Variants in NKD1 observed in about 807,000 individuals in gnomAD.
The protein encoded by NKD1 is NKD inhibitor of Wnt signaling pathway 1, also known as protein naked cuticle homolog 1.
A neutral mutation model predicts 56.0 loss-of-function variants in NKD1; 21 were observed. The observed-to-expected ratio is 0.38, with a 90% CI of 0.27 to 0.54. NKD1 has a LOEUF of 0.54. Among genes scored for constraint, NKD1 ranks in the 20% least tolerant of loss-of-function variants. The pLI is 0.82. For synonymous variants in NKD1, 263 were observed against 265.7 expected (o/e 0.99, Z 0.10); for missense variants, 578 against 642.7 (o/e 0.90, Z 1.09).
At position 50,635,788 on chromosome 16, in the gene NKD1, A is replaced by G. The variant is rs1488976047; in HGVS notation, c.*2007A>G. ...CCCTTCGCCACTGGTGCAGAGCTTA[A>G]TCACGGCCATGGGCTGCCCTTGTTT... is the stretch of plus-strand genomic sequence containing the variant. On this transcript the variant is annotated 3_prime_UTR_variant, in exon 10 of 10. Transcript: ENST00000268459. The surrounding 1 kb of genome is among the most constrained non-coding windows in gnomAD (Gnocchi z 4.1). 6.6e-6 allele frequency: 1 copy of G among 152,206 alleles called. No homozygotes were observed. Among genetic ancestry groups the G allele is most frequent in the African/African-American group, 2.4e-5 (1 of 41,450 alleles). The allele number at this position is 152,206 out of a possible 1,614,324, so 9.4% of individuals were successfully genotyped here. A position where few individuals can be genotyped will look rare whatever the true frequency, so the allele number is the denominator to read the frequency against.
rs1208144469 is a variant in NKD1 at position 50,638,233 on chromosome 16, G to C, written c.*4452G>C. On this transcript the variant is annotated 3_prime_UTR_variant, in exon 10 of 10. Coordinates refer to ENST00000268459, the MANE Select transcript of NKD1 (RefSeq NM_033119.5). ...GTCAGTGCTCTCAGGAATGAAAGGG[G>C]ACCCCTGAGAGGTGCTCAGTACCAG... is the stretch of plus-strand genomic sequence containing the variant. The C allele has an allele frequency of 6.6e-6, 1 of 152,106 alleles. No individual in the cohort carries two copies. The highest frequency in any genetic ancestry group is 1.5e-5 in the Non-Finnish European group (1 of 68,034). 9.4% of individuals were successfully genotyped at this position (152,106 alleles called of 1,614,324 possible). A position where few individuals can be genotyped will look rare whatever the true frequency, so the allele number is the denominator to read the frequency against.
rs376543240 is a variant in NKD1 at position 50,555,197 on chromosome 16, T to G, written c.192+5642T>G. ...CCAGGCTCAAGCTGCCCTGGTAGGATGGGGTTGGGGATTGCCGGGAGGCTT... is the reference window on the plus strand; with the variant it reads ...CCAGGCTCAAGCTGCCCTGGTAGGAGGGGGTTGGGGATTGCCGGGAGGCTT... On this transcript the variant is annotated intron_variant, in intron 3 of 9. Transcript: ENST00000268459. 6.1e-4 allele frequency among the ~76,000 whole-genome samples: 92 copies of G among 151,900 alleles called. 2 individuals are homozygous for G. The South Asian group carries it at 0.019, about 31-fold the overall frequency.
At chr16:50,576,600 G>C (rs1201573314) in intron 3 of NKD1, among the ~76,000 whole-genome samples, 1 of 152,168 alleles carries the variant, frequency 6.6e-6, no homozygotes, top group Non-Finnish European at 1.5e-5. Context: ...GAGAGCTGCT[G>C]CAGGAAACTT....
intron 4 of NKD1, among the ~76,000 whole-genome samples, chr16:50,609,711 C>A (rs920785320): frequency 1.3e-5 from 2 of 152,182 alleles, no homozygotes; most frequent in Non-Finnish European, 2.9e-5. Flanking sequence ...ACACTGCACT[C>A]AGAGAAGCAC....
intron 4 of NKD1, among the ~76,000 whole-genome samples, chr16:50,609,912 T>C (rs1433511476): frequency 6.6e-6 from 1 of 152,094 alleles, no homozygotes; most frequent in Non-Finnish European, 1.5e-5. Flanking sequence ...TCCTCAGGAG[T>C]TTCTTAGGGT....
chr16:50,574,411 A>G, intron 3 of NKD1: 1 of 985,462 alleles, frequency 1.0e-6, no homozygotes, highest in Non-Finnish European at 1.2e-6. Context: ...CTGAGTCGAC[A>G]TAGCCGTCTT....
chr16:50,611,757 C>CA (rs149472815), intron 4 of NKD1, among the ~76,000 whole-genome samples: 2,672 of 152,344 alleles, frequency 0.018, 31 homozygotes, highest in Non-Finnish European at 0.024. Flanking sequence ...TACCCACACT[C>CA]ACTGTGTGAC....
intron 4 of NKD1, among the ~76,000 whole-genome samples, chr16:50,616,517 G>A (rs1961963529): frequency 6.6e-6 from 1 of 152,226 alleles, no homozygotes; most frequent in Non-Finnish European, 1.5e-5. Context: ...ATGTAGCCAA[G>A]CTTCCTTATG....
chr16:50,575,033 T>C (rs1960962900), intron 3 of NKD1: 6 of 985,306 alleles, frequency 6.1e-6, no homozygotes, highest in Non-Finnish European at 7.2e-6. Flanking sequence ...CAATAGTAAC[T>C]TCTGAACCCA....
At position 50,549,832 on chromosome 16, in the gene NKD1, C is replaced by T. The variant is rs150414170; in HGVS notation, c.192+277C>T. On this transcript the variant is annotated intron_variant, in intron 3 of 9. Coordinates refer to ENST00000268459, the MANE Select transcript of NKD1 (RefSeq NM_033119.5). ...TGATGGGGAATCGTGTCTGTACCGGCGGGATTTGGGGGCCTGCTCTGACTT... is the reference window on the plus strand; with the variant it reads ...TGATGGGGAATCGTGTCTGTACCGGTGGGATTTGGGGGCCTGCTCTGACTT... Among the ~76,000 whole-genome samples the T allele has an allele frequency of 2.5e-3, 385 of 152,152 alleles. 3 individuals are homozygous for T. The highest frequency in any genetic ancestry group is 8.9e-3 in the African/African-American group (369 of 41,496).
chr16:50,620,388 C>T (rs931941307), intron 4 of NKD1, among the ~76,000 whole-genome samples: 7 of 152,178 alleles, frequency 4.6e-5, no homozygotes, highest in Non-Finnish European at 8.8e-5. Flanking sequence ...CCTGGCCCAG[C>T]GGCCTCATTT....
chr16:50,618,302 A>G (rs895949478), intron 4 of NKD1, among the ~76,000 whole-genome samples: 1 of 152,114 alleles, frequency 6.6e-6, no homozygotes, highest in Non-Finnish European at 1.5e-5. Context: ...GGCTGGGCTA[A>G]ACAGGAATCA....
chr16:50,631,507 G>C (rs1402430150), intron 8 of NKD1, among the ~76,000 whole-genome samples: 2 of 152,200 alleles, frequency 1.3e-5, no homozygotes, highest in Non-Finnish European at 2.9e-5. Context: ...GGAATGATCG[G>C]AGCTGGATTA....
rs78868593 is a variant in NKD1, at chr16:50,607,356, T to A, written c.193-938T>A. On this transcript the variant is annotated intron_variant, in intron 3 of 9. Coordinates refer to ENST00000268459, the MANE Select transcript of NKD1 (RefSeq NM_033119.5). ...ATCATCTGAGGTGTAGAATTTTTTTTCCCCTAAGGAGAGGGTTGGGTTTTG... is the reference window on the plus strand; with the variant it reads ...ATCATCTGAGGTGTAGAATTTTTTTACCCCTAAGGAGAGGGTTGGGTTTTG... 529 of 170,806 alleles carry A rather than the reference T, an allele frequency of 3.1e-3. 6 individuals carry two copies. The highest frequency in any genetic ancestry group is 0.012 in the African/African-American group (495 of 41,920). The allele number at this position is 170,806 out of a possible 1,614,324, so 10.6% of individuals were successfully genotyped here. A position where few individuals can be genotyped will look rare whatever the true frequency, so the allele number is the denominator to read the frequency against.
chr16:50,566,348 C>T (rs1041557418), intron 3 of NKD1: 2 of 197,428 alleles, frequency 1.0e-5, no homozygotes, highest in African/African-American at 2.4e-5. Flanking sequence ...GCACACCCTT[C>T]CCAGGTAATG....
intron 3 of NKD1, among the ~76,000 whole-genome samples, chr16:50,580,433 C>T (rs1961093356): frequency 6.6e-6 from 1 of 152,216 alleles, no homozygotes; most frequent in African/African-American, 2.4e-5. Flanking sequence ...CAGGTACACG[C>T]AGGGAATGCA....
rs922178373 is a variant in NKD1, at chr16:50,635,145, G to A, written c.*1364G>A. Reference sequence around the variant, plus strand: ...TGCAGAACCCTGGGGCTAGCAGTGTGGGGCGCTATTCCCACCCCTGGGCCT... The same window carrying A: ...TGCAGAACCCTGGGGCTAGCAGTGTAGGGCGCTATTCCCACCCCTGGGCCT... On this transcript the variant is annotated 3_prime_UTR_variant, in exon 10 of 10. Transcript: ENST00000268459. The surrounding 1 kb of genome is among the most constrained non-coding windows in gnomAD (Gnocchi z 4.1). The A allele has an allele frequency of 3.9e-5, 6 of 152,280 alleles. No individual in the cohort carries two copies. The highest frequency in any genetic ancestry group is 1.4e-4 in the African/African-American group (6 of 41,460). The allele number at this position is 152,280 out of a possible 1,614,324, so 9.4% of individuals were successfully genotyped here.
At position 50,647,847 on chromosome 16, in the gene NKD1, T is replaced by C. The variant is rs953524772; in HGVS notation, c.*14066T>C. On this transcript the variant is annotated 3_prime_UTR_variant, in exon 10 of 10. Coordinates refer to ENST00000268459, the MANE Select transcript of NKD1 (RefSeq NM_033119.5). ...CATCATAACCCATCCCAGGTGATCA[T>C]AGAAGGACCTCAAAGGAAAAGGTGA... The C allele has an allele frequency of 8.5e-5, 13 of 152,304 alleles. No individual in the cohort carries two copies. The highest frequency in any genetic ancestry group is 1.9e-4 in the East Asian group (1 of 5,178). 9.4% of individuals were successfully genotyped at this position (152,304 alleles called of 1,614,324 possible). A position where few individuals can be genotyped will look rare whatever the true frequency, so the allele number is the denominator to read the frequency against.
rs536001390 is a variant in NKD1 at position 50,582,751 on chromosome 16, G to A, written c.193-25543G>A. On this transcript the variant is annotated intron_variant, in intron 3 of 9. Transcript: ENST00000268459. ...TGGCCAGGCGCAGTGGCGCACGCCT[G>A]TAATCCTAGCACTTTGGGAGGCCGA... Among the ~76,000 whole-genome samples the A allele has an allele frequency of 6.6e-5, 10 of 152,250 alleles. No homozygotes were observed. The South Asian group carries it at 2.1e-3, about 32-fold the overall frequency.
Sources: allele counts gnomAD v4.1 joint callset (sites outside exome capture counted in the v4.1 genomes callset), GRCh38; gene constraint gnomAD v4.1.1; non-coding constraint Gnocchi (gnomAD v3.1); transcripts MANE v1.5; gene names NCBI Gene and HGNC (gene_info 2026-07-23, HGNC 2026-07-21).